KCNC4: variants seen among roughly 807,000 people sequenced by gnomAD.
KCNC4 encodes the protein voltage-gated potassium channel KCNC4.
In KCNC4, 23 loss-of-function variants were observed where a neutral mutation model predicts 42.8. The observed-to-expected ratio is 0.54, with a 90% CI of 0.39 to 0.76. The LOEUF is 0.76. Among genes scored for constraint, KCNC4 ranks in the 30% least tolerant of loss-of-function variants. The pLI, the probability that KCNC4 is intolerant of heterozygous loss-of-function variation, is 0.00. For synonymous variants in KCNC4, 422 were observed against 393.5 expected (o/e 1.07, Z -0.86); for missense variants, 751 against 898.2 (o/e 0.84, Z 2.10).
At chr1:110,255,021 G>A (rs1273337988) in intron 1 of KCNC4, among the ~76,000 whole-genome samples, 2 of 152,212 alleles carry the variant, frequency 1.3e-5, no homozygotes, top group Non-Finnish European at 2.9e-5. Context: ...TAGCATAGGA[G>A]ACATCCAAGT....
rs55839432 is a variant in KCNC4, at chr1:110,281,555, A to AACACACACACACACAC, written n.31-959_31-944dup. ...TTATCTGACTCCCCACATATGTAAA[A>AACACACACACACACAC]ACACACACACACACACACACACACA... is the stretch of plus-strand genomic sequence containing the variant. On this transcript the variant is annotated intron_variant and non_coding_transcript_variant, in intron 1 of 2. Transcript: ENST00000412512. Among the ~76,000 whole-genome samples the AACACACACACACACAC allele has an allele frequency of 6.8e-4, 95 of 140,438 alleles. 1 individual carries two copies. The highest frequency in any genetic ancestry group is 2.2e-3 in the African/African-American group (82 of 37,094). The allele number at this position is 140,438 out of a possible 152,430, so 92.1% of individuals were successfully genotyped here.
In KCNC4 at chr1:110,232,423, C is replaced by T. The variant is rs568649147; in HGVS notation, c.1820-488C>T. 4.0e-6 allele frequency: 6 copies of T among 1,500,884 alleles called. No individual in the cohort carries two copies. The South Asian group carries it at 6.4e-5, about 16-fold the overall frequency. The allele number at this position is 1,500,884 out of a possible 1,614,324, so 93.0% of individuals were successfully genotyped here. A position where few individuals can be genotyped will look rare whatever the true frequency, so the allele number is the denominator to read the frequency against. On this transcript the variant is annotated intron_variant, in intron 3 of 3. Coordinates refer to ENST00000438661, the MANE Select transcript of KCNC4 (RefSeq NM_001039574.3). ...GCAGATGGAGCTACTTGGGGGAGAG[C>T]TCAAGTTGGTCAGGCAACAGCTGGG...
chr1:110,270,929 G>T (rs1262548816), intron 1 of KCNC4, among the ~76,000 whole-genome samples: 1 of 152,226 alleles, frequency 6.6e-6, no homozygotes, highest in Non-Finnish European at 1.5e-5. Context: ...TGGAAGATCA[G>T]CTCTTCAGTA....
intron 1 of KCNC4, among the ~76,000 whole-genome samples, chr1:110,217,954 A>C (rs944669293): frequency 6.6e-6 from 1 of 152,314 alleles, no homozygotes; most frequent in Admixed American, 6.5e-5. Flanking sequence ...TGGAAGGCTC[A>C]GTCCCTCAGT....
At chr1:110,266,124 TC>T (rs1659536761) in intron 1 of KCNC4, among the ~76,000 whole-genome samples, 1 of 151,790 alleles carries the variant, frequency 6.6e-6, no homozygotes, top group Non-Finnish European at 1.5e-5. Flanking sequence ...TTCACCCAAT[TC>T]CCCCGACAGC....
At chr1:110,232,018 C>CT (rs1046934694) in intron 3 of KCNC4, among the ~76,000 whole-genome samples, 15 of 152,178 alleles carry the variant, frequency 9.9e-5, no homozygotes, top group African/African-American at 3.6e-4. Flanking sequence ...GGGTCTGGAA[C>CT]TCCCACCTCC....
chr1:110,212,659 C>A (rs146253656), intron 1 of KCNC4, among the ~76,000 whole-genome samples: 7 of 152,334 alleles, frequency 4.6e-5, no homozygotes, highest in Non-Finnish European at 1.0e-4. Flanking sequence ...ATCCTCCCAG[C>A]AGCTCAGTGT....
chr1:110,242,255 G>GGT (rs532207220), exon 4 of KCNC4: 2 of 18,180 alleles, frequency 1.1e-4, no homozygotes, highest in African/African-American at 1.8e-4. Flanking sequence ...TTGGAACAGC[G>GGT]GGGGGGGCTA....
At chr1:110,234,232 G>A (rs1443543256), downstream of KCNC4, 2 of 152,194 alleles carry the variant, frequency 1.3e-5, no homozygotes, top group Non-Finnish European at 2.9e-5. Flanking sequence ...TCTGCCCAAA[G>A]CCACACAAAG....
At chr1:110,257,700 A>G (rs1320826653) in intron 1 of KCNC4, among the ~76,000 whole-genome samples, 5 of 140,976 alleles carry the variant, frequency 3.5e-5, no homozygotes, top group African/African-American at 1.0e-4. Flanking sequence ...CAGCCTTGGC[A>G]ACAGAGCGAG....
At chr1:110,230,419 G>C (rs1365970071) in intron 3 of KCNC4, among the ~76,000 whole-genome samples, 1 of 152,198 alleles carries the variant, frequency 6.6e-6, no homozygotes, top group Non-Finnish European at 1.5e-5. Context: ...GCTCTGACAG[G>C]GACACAACGA....
intron 1 of KCNC4, chr1:110,219,588 G>A (rs1657981711): frequency 6.6e-6 from 1 of 152,220 alleles, no homozygotes; most frequent in Admixed American, 6.5e-5. Flanking sequence ...TCTGTAGGAT[G>A]GCAGGATGGT....
intron 3 of KCNC4, among the ~76,000 whole-genome samples, chr1:110,231,439 A>G (rs1429773866): frequency 6.6e-6 from 1 of 152,164 alleles, no homozygotes; most frequent in African/African-American, 2.4e-5. Context: ...GTGGAAAAGC[A>G]ATCTAAGGCC....
chr1:110,223,155 G>A lies in KCNC4; in HGVS notation c.870G>A (p.Leu290=), dbSNP rs1267513932. The A allele has an allele frequency of 6.2e-6, 10 of 1,614,132 alleles. No individual in the cohort carries two copies. Among genetic ancestry groups the A allele is most frequent in the African/African-American group, 2.7e-5 (2 of 74,938 alleles). Residue 290 remains leucine, a synonymous_variant, in exon 2 of 4, where the codon CTG becomes CTA. Coordinates refer to ENST00000438661, the MANE Select transcript of KCNC4 (RefSeq NM_001039574.3). The surrounding 1 kb of genome is among the most constrained non-coding windows in gnomAD (Gnocchi z 7.5). ...CCTACATCGAGGGCGTATGTGTGCT[G>A]TGGTTCACACTGGAGTTCCTGGTGC... The part of the protein sequence containing the change: ...ILTYIEGVCV[L]WFTLEFLVRI...
intron 1 of KCNC4, among the ~76,000 whole-genome samples, chr1:110,265,718 A>G (rs968634635): frequency 6.6e-6 from 1 of 152,222 alleles, no homozygotes; most frequent in African/African-American, 2.4e-5. Context: ...GCCAGGGAAG[A>G]GGCCCTTGGA....
intron 3 of KCNC4, chr1:110,229,076 G>A (rs992236932): frequency 2.2e-4 from 34 of 152,226 alleles, no homozygotes; most frequent in African/African-American, 6.3e-4. Flanking sequence ...GGGGAGCCAC[G>A]CCTATGTTAA....
At chr1:110,267,064 A>C (rs1659551910) in intron 1 of KCNC4, among the ~76,000 whole-genome samples, 1 of 152,236 alleles carries the variant, frequency 6.6e-6, no homozygotes, top group African/African-American at 2.4e-5. Context: ...CTCTGTGGGC[A>C]GAACCCTTGG....
intron 1 of KCNC4, among the ~76,000 whole-genome samples, chr1:110,279,873 G>A (rs894214383): frequency 2.2e-5 from 3 of 137,336 alleles, no homozygotes; most frequent in Admixed American, 8.1e-5. Flanking sequence ...ATCTCAGCTC[G>A]CTGCAACCTC....
rs1657422606 is a variant in KCNC4 at position 110,211,183 on chromosome 1, A to T, written c.-317A>T. 6.6e-6 allele frequency among the ~76,000 whole-genome samples: 1 copy of T among 152,186 alleles called. No homozygotes were observed. The highest frequency in any genetic ancestry group is 1.5e-5 in the Non-Finnish European group (1 of 68,032). On this transcript the variant is annotated 5_prime_UTR_variant, in exon 1 of 4. Transcript: ENST00000438661. This position sits in a 1 kb window ranked among gnomAD's most constrained non-coding sequence, Gnocchi z 6.5. ...GAAGGCGGGGGCGTGTCCCCGGCCC[A>T]GAGCGTTTGTGTGTCCCGTCGTAGC...
Sources: allele counts gnomAD v4.1 joint callset (sites outside exome capture counted in the v4.1 genomes callset), GRCh38; gene constraint gnomAD v4.1.1; non-coding constraint Gnocchi (gnomAD v3.1); transcripts MANE v1.5; gene names NCBI Gene and HGNC (gene_info 2026-07-23, HGNC 2026-07-21).